GALNT6: variants seen among roughly 807,000 people sequenced by gnomAD.
GALNT6 encodes polypeptide N-acetylgalactosaminyltransferase 6, also known as GalNAc transferase 6.
A neutral mutation model predicts 65.9 loss-of-function variants in GALNT6; 51 were observed. That is an observed-to-expected ratio of 0.77 (90% CI 0.62 to 0.98). The LOEUF is 0.98. GALNT6 is among the 50% of genes least tolerant of loss of function. The probability of loss-of-function intolerance (pLI) is 0.00; values close to 1 mark genes in which losing one functional copy is unlikely to be tolerated. For missense variants in GALNT6, 708 were observed against 803.3 expected, an observed-to-expected ratio of 0.88 and a Z score of 1.43; for synonymous variants, 323 against 315.1, an observed-to-expected ratio of 1.02 and a Z score of -0.26.
At chr12:51,359,516 C>T in intron 7 of GALNT6, 184 bp from the exon 8 acceptor site, 2 of 500,722 alleles carry the variant, frequency 4.0e-6, no homozygotes, top group Non-Finnish European at 7.1e-6. Flanking sequence ...CTACACGATC[C>T]CAGGCTTTCT....
At chr12:51,367,340 CAGG>C (rs1437829402) in intron 4 of GALNT6, among the ~76,000 whole-genome samples, 2 of 152,184 alleles carry the variant, frequency 1.3e-5, no homozygotes, top group East Asian at 1.9e-4. Flanking sequence ...GAGGCTGAGG[CAGG>C]AGAACTGCTT....
intron 4 of GALNT6, among the ~76,000 whole-genome samples, chr12:51,375,382 C>A (rs538820130): frequency 1.3e-5 from 2 of 152,268 alleles, no homozygotes; most frequent in South Asian, 2.1e-4. Flanking sequence ...CCTAGCCACG[C>A]CAGGCAGAAA....
intron 2 of GALNT6, among the ~76,000 whole-genome samples, chr12:51,384,285 A>G (rs1270908594): frequency 1.3e-5 from 2 of 152,240 alleles, no homozygotes; most frequent in Non-Finnish European, 2.9e-5. Context: ...CACTGGTGTA[A>G]GGAACTGAGG....
chr12:51,360,700 C>A, intron 7 of GALNT6, 21 bp downstream of exon 7: 3 of 1,419,414 alleles, frequency 2.1e-6, no homozygotes, highest in Non-Finnish European at 3.0e-6. Context: ...TGGTTCCCCC[C>A]AAAGCCCTCT....
chr12:51,373,421 G>A (rs756554121), intron 4 of GALNT6, among the ~76,000 whole-genome samples: 3 of 152,020 alleles, frequency 2.0e-5, no homozygotes, highest in African/African-American at 7.2e-5. Flanking sequence ...CCTTTTGCTC[G>A]GCTCTCATTC....
intron 2 of GALNT6, chr12:51,383,679 G>T (rs928368809): frequency 6.6e-6 from 1 of 152,148 alleles, no homozygotes; most frequent in Non-Finnish European, 1.5e-5. Context: ...CAAACCTACA[G>T]TTCCTCAAGG....
At position 51,379,806 on chromosome 12, in the gene GALNT6, G is replaced by T; in HGVS notation, c.-25C>A. The T allele has an allele frequency of 6.3e-7, 1 of 1,581,038 alleles. No individual in the cohort carries two copies. Among genetic ancestry groups the T allele is most frequent in the Non-Finnish European group, 8.6e-7 (1 of 1,168,084 alleles). On this transcript the variant is annotated 5_prime_UTR_variant, in exon 3 of 12. The change creates a new upstream start codon in the 5' untranslated region. Transcript: ENST00000356317. ...TCCTCCAGAACCAAGGGGCACCCCA[G>T]CTGCGTCAGCTCTGAGTCCTGAGCC... is the stretch of plus-strand genomic sequence containing the variant.
chr12:51,380,515 A>G (rs1168210725), intron 2 of GALNT6, among the ~76,000 whole-genome samples: 3 of 152,264 alleles, frequency 2.0e-5, no homozygotes, highest in Non-Finnish European at 4.4e-5. Context: ...TAGAAAATGT[A>G]AAAACATGCT....
At chr12:51,365,309 C>T (rs1592324761) in intron 5 of GALNT6, 121 bp downstream of exon 5, 1 of 939,890 alleles carries the variant, frequency 1.1e-6, no homozygotes, top group African/African-American at 1.7e-5. Context: ...GAGTGGGTCC[C>T]AAGCCTCCTT....
At position 51,359,248 on chromosome 12, in the gene GALNT6, G is replaced by T. The variant is rs771926448; in HGVS notation, c.1252C>A (p.Pro418Thr). The part of the protein sequence containing the change: ...VFRTKSPHTF[P>T]KGTSVIARNQ... ...CGAGCAATGACACTAGTGCCCTTGG[G>T]GAAGGTGTGGGGGCTCTTGGTCCGG... The change falls in exon 8 of 12, where the codon CCC (proline) becomes ACC (threonine). Residue 418 changes from proline (P) to threonine (T), a missense_variant. By Grantham distance (38) the Pro-to-Thr change is conservative (BLOSUM62 -1). Coordinates refer to ENST00000356317, the MANE Select transcript of GALNT6 (RefSeq NM_007210.4). 1 of 1,613,948 alleles carries T rather than the reference G, an allele frequency of 6.2e-7. No individual in the cohort carries two copies. The highest frequency in any genetic ancestry group is 8.5e-7 in the Non-Finnish European group (1 of 1,179,830).
intron 2 of GALNT6, among the ~76,000 whole-genome samples, chr12:51,390,316 C>A (rs1253694300): frequency 2.0e-5 from 3 of 152,084 alleles, no homozygotes; most frequent in Admixed American, 6.5e-5. Context: ...GCGCCTGCCA[C>A]CATGCCCGGC....
chr12:51,355,297 T>C (rs1946712299), intron 11 of GALNT6, among the ~76,000 whole-genome samples: 1 of 152,062 alleles, frequency 6.6e-6, no homozygotes, highest in Admixed American at 6.6e-5. Context: ...AACCATAACC[T>C]GTCACCCCAT....
chr12:51,377,180 C>T lies in GALNT6; in HGVS notation c.664+15G>A. The T allele has an allele frequency of 6.2e-7, 1 of 1,612,292 alleles. No homozygotes were observed. The highest frequency in any genetic ancestry group is 8.5e-7 in the Non-Finnish European group (1 of 1,179,306). On this transcript the variant is annotated intron_variant, in intron 4 of 11. Coordinates refer to ENST00000356317, the MANE Select transcript of GALNT6 (RefSeq NM_007210.4). ...GGAGACCCCGGCCCCCTCCTCTGGG[C>T]CCCTCCAGCCTCACCCTCTGTGCTG...
chr12:51,358,445 C>T (rs1263663176), intron 8 of GALNT6, among the ~76,000 whole-genome samples, 184 bp from the exon 9 acceptor site: 4 of 152,014 alleles, frequency 2.6e-5, no homozygotes, highest in Admixed American at 6.6e-5. Flanking sequence ...GGACTACAGT[C>T]GCGCACCACC....
rs752427738 is a variant in GALNT6, at chr12:51,379,651, T to G, written c.131A>C (p.Lys44Thr). ...REEATEKPWL[K>T]SLVSRKDHVL... ...GTGATCCTTCCGGCTCACCAGGGAC[T>G]TCAGCCACGGCTTCTCTGTGGCCTC... Residue 44 changes from lysine (K) to threonine (T), a missense_variant, in exon 3 of 12, where the codon AAG becomes ACG. Transcript: ENST00000356317. 1 of 1,614,188 alleles carries G rather than the reference T, an allele frequency of 6.2e-7. No homozygotes were observed. Among genetic ancestry groups the G allele is most frequent in the South Asian group, 1.1e-5 (1 of 91,084 alleles).
At chr12:51,368,503 C>G (rs1014929932) in intron 4 of GALNT6, among the ~76,000 whole-genome samples, 11 of 151,128 alleles carry the variant, frequency 7.3e-5, no homozygotes, top group African/African-American at 2.7e-4. Context: ...CTCCTGGGTT[C>G]AAGCAATTAT....
intron 8 of GALNT6, 119 bp downstream of exon 8, chr12:51,359,013 G>T: frequency 1.3e-6 from 1 of 768,502 alleles, no homozygotes; most frequent in Non-Finnish European, 2.2e-6. Context: ...GGTCCCTGAG[G>T]GTGAAGGGAG....
At chr12:51,390,142 TTC>T (rs1436996266) in intron 2 of GALNT6, among the ~76,000 whole-genome samples, 2 of 55,384 alleles carry the variant, frequency 3.6e-5, no homozygotes, top group African/African-American at 1.4e-4. Context: ...GCATATTTCT[TTC>T]TTTCTTTCTT....
At position 51,377,232 on chromosome 12, in the gene GALNT6, G is replaced by A; in HGVS notation, c.627C>T (p.Leu209=). 6.2e-7 allele frequency: 1 copy of A among 1,613,866 alleles called. No individual in the cohort carries two copies. Among genetic ancestry groups the A allele is most frequent in the Non-Finnish European group, 8.5e-7 (1 of 1,180,022 alleles). ...CATCATCCACCAGTATGATCTCCTT[G>A]AGCAAGATGGCAGGGGTGGTGTGTA... ...SVLHTTPAIL[L]KEIILVDDAS... The change falls in exon 4 of 12, where the codon CTC becomes CTT. Residue 209 remains leucine, a synonymous_variant. Coordinates refer to ENST00000356317, the MANE Select transcript of GALNT6 (RefSeq NM_007210.4).
Sources: allele counts gnomAD v4.1 joint callset (sites outside exome capture counted in the v4.1 genomes callset), GRCh38; gene constraint gnomAD v4.1.1; transcripts MANE v1.5; gene names NCBI Gene and HGNC (gene_info 2026-07-23, HGNC 2026-07-21).